The following KIF26B variants were observed in gnomAD, a reference collection of about 807,000 sequenced individuals.
KIF26B encodes the protein kinesin family member 26B.
KIF26B carries 63 observed loss-of-function variants against 151.2 expected under a neutral mutation model. The ratio of observed to expected loss-of-function variants is 0.42; its 90% CI spans 0.34 to 0.51. The LOEUF is 0.51. Among genes scored for constraint, KIF26B ranks in the 20% least tolerant of loss-of-function variants. KIF26B has a pLI of 0.07. For synonymous variants in KIF26B, 1,357 were observed against 1,262.1 expected, an observed-to-expected ratio of 1.08 and a Z score of -1.59; for missense variants, 2,813 against 2,913.6, an observed-to-expected ratio of 0.97 and a Z score of 0.79.
At chr1:245,383,054 CAGAG>C (rs557079114) in intron 3 of KIF26B, among the ~76,000 whole-genome samples, 21 of 141,502 alleles carry the variant, frequency 1.5e-4, no homozygotes, top group African/African-American at 5.1e-4. Flanking sequence ...TATATATATA[CAGAG>C]AGAGAGAGAG....
At chr1:245,531,916 G>A (rs1661371032) in intron 4 of KIF26B, among the ~76,000 whole-genome samples, 1 of 152,122 alleles carries the variant, frequency 6.6e-6, no homozygotes, top group South Asian at 2.1e-4. Context: ...GGGCAACAAA[G>A]TGAGTCCCTG....
In KIF26B at chr1:245,504,170, C is replaced by G. The variant is rs1660680513; in HGVS notation, c.1167-36597C>G. Among the ~76,000 whole-genome samples the G allele has an allele frequency of 2.0e-5, 3 of 152,152 alleles. No homozygotes were observed. In the South Asian group the frequency reaches 6.2e-4, roughly 32 times the overall value. On this transcript the variant is annotated intron_variant, in intron 4 of 14. Coordinates refer to ENST00000407071, the MANE Select transcript of KIF26B (RefSeq NM_018012.4). ...AAGAGAGGAGGCCCTGGGCCCTATT[C>G]TCTCTGGGGAGCTTTACATCACCCA...
intron 10 of KIF26B, among the ~76,000 whole-genome samples, chr1:245,649,288 C>T (rs2043987865): frequency 6.6e-6 from 1 of 152,162 alleles, no homozygotes; most frequent in South Asian, 2.1e-4. Context: ...CTCAAATCAC[C>T]CAGCCAGTGG....
chr1:245,579,162 A>G (rs532248660), intron 5 of KIF26B, among the ~76,000 whole-genome samples: 55 of 152,322 alleles, frequency 3.6e-4, no homozygotes, highest in Non-Finnish European at 6.5e-4. Context: ...CCAGAGGGAA[A>G]AACAAATTAG....
At chr1:245,585,129 T>C (rs931609380) in intron 5 of KIF26B, among the ~76,000 whole-genome samples, 1 of 152,140 alleles carries the variant, frequency 6.6e-6, no homozygotes, top group African/African-American at 2.4e-5. Flanking sequence ...CTGTTAGAAA[T>C]GCAAATTGTC....
chr1:245,439,346 C>CAAAAAAAAA (rs777808376), intron 4 of KIF26B, among the ~76,000 whole-genome samples: 3 of 131,738 alleles, frequency 2.3e-5, no homozygotes, highest in African/African-American at 5.7e-5. Context: ...GACCCTGTCT[C>CAAAAAAAAA]AAAAAAAAAA....
chr1:245,344,043 A>T (rs146381441), intron 2 of KIF26B, among the ~76,000 whole-genome samples: 1 of 151,248 alleles, frequency 6.6e-6, no homozygotes, highest in Non-Finnish European at 1.5e-5. Flanking sequence ...AACTACTGTG[A>T]TTTTTTTTCC....
rs532560388 is a variant in KIF26B at position 245,600,297 on chromosome 1, C to G, written c.1351-2280C>G. Among the ~76,000 whole-genome samples, 877 of 143,140 alleles carry G rather than the reference C, an allele frequency of 6.1e-3. 8 individuals carry two copies. The highest frequency in any genetic ancestry group is 0.022 in the African/African-American group (849 of 38,982). 93.9% of individuals were successfully genotyped at this position (143,140 alleles called of 152,430 possible). On this transcript the variant is annotated intron_variant, in intron 5 of 14. Coordinates refer to ENST00000407071, the MANE Select transcript of KIF26B (RefSeq NM_018012.4). Reference sequence around the variant, plus strand: ...TTGTGATCCGCCCGCCTCGGCCTCCCAAAGTGCTGGGATTACAGGCGTGAG... The same window carrying G: ...TTGTGATCCGCCCGCCTCGGCCTCCGAAAGTGCTGGGATTACAGGCGTGAG...
chr1:245,363,655 A>G (rs1448710217), intron 2 of KIF26B, among the ~76,000 whole-genome samples: 1 of 152,228 alleles, frequency 6.6e-6, no homozygotes, highest in Non-Finnish European at 1.5e-5. Context: ...CACTTGATTT[A>G]CTGAGGCCTT....
chr1:245,562,203 G>A (rs1195995921), intron 5 of KIF26B, among the ~76,000 whole-genome samples: 1 of 152,142 alleles, frequency 6.6e-6, no homozygotes, highest in East Asian at 1.9e-4. Context: ...GACCTGGGGA[G>A]GGTAGGGAAG....
At chr1:245,443,282 T>C (rs1009598008) in intron 4 of KIF26B, among the ~76,000 whole-genome samples, 1 of 144,832 alleles carries the variant, frequency 6.9e-6, no homozygotes, top group Non-Finnish European at 1.5e-5. Context: ...CCCTCACTGT[T>C]CACCCTGCGG....
At chr1:245,273,578 C>A (rs1670889672) in intron 2 of KIF26B, among the ~76,000 whole-genome samples, 1 of 152,018 alleles carries the variant, frequency 6.6e-6, no homozygotes, top group Non-Finnish European at 1.5e-5. Context: ...ATTGTTGTAT[C>A]TTCCTGGTAA....
At chr1:245,546,153 A>G (rs573381196) in intron 5 of KIF26B, among the ~76,000 whole-genome samples, 8 of 152,346 alleles carry the variant, frequency 5.3e-5, no homozygotes, top group African/African-American at 1.9e-4. Context: ...AGAGGAGAAC[A>G]AGATTTTTAA....
intron 5 of KIF26B, among the ~76,000 whole-genome samples, chr1:245,581,446 A>G (rs772073755): frequency 1.7e-4 from 21 of 126,940 alleles, no homozygotes; most frequent in African/African-American, 6.6e-4. Context: ...AGATAGGTAG[A>G]TAGATAGAGA....
Position 245,703,248 on chromosome 1 carries a change from T to C in KIF26B, c.*642T>C, listed in dbSNP as rs2044797525. The C allele has an allele frequency of 6.5e-6, 1 of 152,674 alleles. No homozygotes were observed. Among genetic ancestry groups the C allele is most frequent in the South Asian group, 2.1e-4 (1 of 4,828 alleles). 9.5% of individuals were successfully genotyped at this position (152,674 alleles called of 1,614,324 possible). ...TTATGAATAAATATTACCTGTCTTTTATGGTTATTCTGGTGAGGCCACTCA... is the reference window on the plus strand; with the variant it reads ...TTATGAATAAATATTACCTGTCTTTCATGGTTATTCTGGTGAGGCCACTCA... On this transcript the variant is annotated 3_prime_UTR_variant, in exon 15 of 15. Coordinates refer to ENST00000407071, the MANE Select transcript of KIF26B (RefSeq NM_018012.4).
At chr1:245,580,537 G>C (rs368275083) in intron 5 of KIF26B, among the ~76,000 whole-genome samples, 1 of 152,318 alleles carries the variant, frequency 6.6e-6, no homozygotes, top group Non-Finnish European at 1.5e-5. Flanking sequence ...AACCATGTTG[G>C]GGGGACAGAG....
intron 2 of KIF26B, among the ~76,000 whole-genome samples, chr1:245,364,402 T>C (rs1672892722): frequency 6.6e-6 from 1 of 150,730 alleles, no homozygotes; most frequent in Non-Finnish European, 1.5e-5. Context: ...CAGACATGAC[T>C]TCTCACCCTC....
chr1:245,236,113 C>T (rs1387859954), intron 2 of KIF26B, among the ~76,000 whole-genome samples: 2 of 151,878 alleles, frequency 1.3e-5, no homozygotes, highest in South Asian at 2.1e-4. Flanking sequence ...TATTTTTAGT[C>T]GAGACGGGGT....
chr1:245,376,640 T>C (rs1231094755), intron 3 of KIF26B, among the ~76,000 whole-genome samples: 1 of 152,210 alleles, frequency 6.6e-6, no homozygotes, highest in Non-Finnish European at 1.5e-5. Flanking sequence ...TTGTTTCTTA[T>C]GGCTGCCATC....
Sources: allele counts gnomAD v4.1 joint callset (sites outside exome capture counted in the v4.1 genomes callset), GRCh38; gene constraint gnomAD v4.1.1; transcripts MANE v1.5; gene names NCBI Gene and HGNC (gene_info 2026-07-23, HGNC 2026-07-21).